The following TSPAN15 variants were observed in gnomAD, a reference collection of about 807,000 sequenced individuals.
The protein encoded by TSPAN15 is tetraspanin-15.
In TSPAN15, 20 loss-of-function variants were observed where a neutral mutation model predicts 34.5. The observed-to-expected ratio is 0.58, with a 90% CI of 0.41 to 0.84. The LOEUF is 0.84. Ranked by LOEUF, TSPAN15 falls within the 40% of genes least tolerant of loss-of-function variation. The probability of loss-of-function intolerance (pLI) is 0.00; values close to 1 mark genes in which losing one functional copy is unlikely to be tolerated. For missense variants in TSPAN15, 313 were observed against 386.1 expected (o/e 0.81, Z 1.59); for synonymous variants, 155 against 153.9 (o/e 1.01, Z -0.05).
intron 1 of TSPAN15, among the ~76,000 whole-genome samples, chr10:69,468,893 TA>T (rs1316740608): frequency 6.6e-6 from 1 of 152,232 alleles, no homozygotes; most frequent in Non-Finnish European, 1.5e-5. Context: ...ACAGAGCTCT[TA>T]AAACCCTTGG....
intron 1 of TSPAN15, among the ~76,000 whole-genome samples, chr10:69,461,849 C>T (rs1181591392): frequency 1.3e-5 from 2 of 152,068 alleles, no homozygotes; most frequent in Non-Finnish European, 2.9e-5. Flanking sequence ...GGCCAGTGGA[C>T]CTTGACTTCA....
chr10:69,526,792 A>G, the TSPAN15 span, among the ~76,000 whole-genome samples: 1 of 144,636 alleles, frequency 6.9e-6, no homozygotes, highest in South Asian at 2.2e-4. Flanking sequence ...GTCTCAAAAA[A>G]AAAAAAAAAA....
chr10:69,495,761 A>C (rs1842067517), intron 4 of TSPAN15, 72 bp downstream of exon 4: 3 of 1,092,068 alleles, frequency 2.7e-6, no homozygotes, highest in African/African-American at 1.6e-5. Flanking sequence ...CCTGCTCAAG[A>C]AGATGGGGTG....
chr10:69,530,258 C>T, the TSPAN15 span, among the ~76,000 whole-genome samples: 2 of 147,726 alleles, frequency 1.4e-5, no homozygotes, highest in Non-Finnish European at 3.0e-5. Context: ...CACATGGTAC[C>T]CTAACAACAA....
chr10:69,514,736 G>GC, the TSPAN15 span, among the ~76,000 whole-genome samples: 1 of 152,054 alleles, frequency 6.6e-6, no homozygotes, highest in African/African-American at 2.4e-5. Flanking sequence ...AATTAGCCTG[G>GC]CTAGGGGTTT....
At chr10:69,508,440 CAAAAAAAAAAAAAAAAA>C (rs71009229), downstream of TSPAN15, among the ~76,000 whole-genome samples, 13 of 62,174 alleles carry the variant, frequency 2.1e-4, no homozygotes, top group South Asian at 5.2e-3. Context: ...GACTCCATCT[CAAAAAAAAAAAAAAAAA>C]AAAAAAAAAA....
intron 1 of TSPAN15, among the ~76,000 whole-genome samples, chr10:69,463,931 C>T (rs115418507): frequency 0.031 from 4,705 of 152,248 alleles, 173 homozygotes; most frequent in South Asian, 0.097. Flanking sequence ...ATGAAATCAT[C>T]TTAGATGACC....
intron 1 of TSPAN15, among the ~76,000 whole-genome samples, chr10:69,472,166 G>A (rs1841519967): frequency 6.6e-6 from 1 of 152,050 alleles, no homozygotes; most frequent in African/African-American, 2.4e-5. Context: ...TCTTGCTTCT[G>A]TGAACCTCCC....
At chr10:69,457,231 C>T (rs1333156677) in intron 1 of TSPAN15, among the ~76,000 whole-genome samples, 2 of 152,194 alleles carry the variant, frequency 1.3e-5, no homozygotes, top group East Asian at 3.9e-4. Flanking sequence ...AATGCTGCCC[C>T]TGGGGCCTGT....
At chr10:69,530,779 ACTCTCT>A in the TSPAN15 span, among the ~76,000 whole-genome samples, 234 of 49,918 alleles carry the variant, frequency 4.7e-3, 2 homozygotes, top group African/African-American at 7.1e-3. Flanking sequence ...ACAGAGTGAG[ACTCTCT>A]CTCTCTCTCT....
chr10:69,545,129 T>C, the TSPAN15 span, among the ~76,000 whole-genome samples: 4 of 152,144 alleles, frequency 2.6e-5, no homozygotes, highest in African/African-American at 7.2e-5. Context: ...TGAGCTTTGG[T>C]CCCAAAGGAG....
the TSPAN15 span, among the ~76,000 whole-genome samples, chr10:69,549,462 C>T: frequency 6.6e-6 from 1 of 152,192 alleles, no homozygotes. Context: ...CCATCTGAGA[C>T]ATGGCTTCTG....
chr10:69,507,314 G>T lies in TSPAN15; in HGVS notation c.*336G>T. The T allele has an allele frequency of 8.0e-7, 1 of 1,246,418 alleles. No individual in the cohort carries two copies. 77.2% of individuals were successfully genotyped at this position (1,246,418 alleles called of 1,614,324 possible). On this transcript the variant is annotated 3_prime_UTR_variant, in exon 8 of 8. Coordinates refer to ENST00000373290, the MANE Select transcript of TSPAN15 (RefSeq NM_012339.5). ...ATTTCATCTCTGGCAGTGCCTTGGC[G>T]GTGGTATTCAAGGCAGTTTTGTAGC...
chr10:69,522,204 CA>C, the TSPAN15 span, among the ~76,000 whole-genome samples: 2 of 144,494 alleles, frequency 1.4e-5, 1 homozygote, highest in Non-Finnish European at 3.0e-5. Context: ...ACTAAAAATA[CA>C]AAAAAAATTA....
At chr10:69,468,153 G>A (rs182035902) in intron 1 of TSPAN15, among the ~76,000 whole-genome samples, 65 of 147,018 alleles carry the variant, frequency 4.4e-4, no homozygotes, top group Non-Finnish European at 7.4e-4. Context: ...AGAGCTGATC[G>A]GTGTCTGGAA....
intron 1 of TSPAN15, among the ~76,000 whole-genome samples, chr10:69,467,855 C>T (rs1044645107): frequency 6.6e-6 from 1 of 150,840 alleles, no homozygotes; most frequent in African/African-American, 2.4e-5. Flanking sequence ...CCCAGCATCA[C>T]AGTTTATACA....
chr10:69,507,812 G>A, downstream of TSPAN15: 1 of 508,584 alleles, frequency 2.0e-6, no homozygotes, highest in African/African-American at 2.1e-5. Context: ...GTGGGGGGTT[G>A]GGGGGAAAGC....
intron 1 of TSPAN15, among the ~76,000 whole-genome samples, chr10:69,476,585 A>G (rs1274305726): frequency 6.6e-6 from 1 of 151,362 alleles, no homozygotes; most frequent in Non-Finnish European, 1.5e-5. Context: ...AAAAAAAGTA[A>G]CAAAAGCAGG....
At position 69,495,282 on chromosome 10, in the gene TSPAN15, G is replaced by A. The variant is rs144003655; in HGVS notation, c.358-312G>A. On this transcript the variant is annotated intron_variant, in intron 3 of 7. Coordinates refer to ENST00000373290, the MANE Select transcript of TSPAN15 (RefSeq NM_012339.5). ...GCTCAGGCATGGCGGCATCAGAGCT[G>A]TGTGTCCCCAAGCACGGCCCCAGCC... The A allele has an allele frequency of 2.0e-3, 590 of 298,698 alleles. 5 individuals carry two copies. Among genetic ancestry groups the A allele is most frequent in the East Asian group, 2.2e-3 (28 of 12,836 alleles). The allele number at this position is 298,698 out of a possible 1,614,324, so 18.5% of individuals were successfully genotyped here. A position where few individuals can be genotyped will look rare whatever the true frequency, so the allele number is the denominator to read the frequency against.
Sources: gnomAD v4.1 joint callset for allele counts (sites outside exome capture counted in the v4.1 genomes callset) on GRCh38, gnomAD v4.1.1 for gene constraint, MANE v1.5 for transcripts, NCBI Gene and HGNC (gene_info 2026-07-23, HGNC 2026-07-21) for gene names.